Variants in KCNC2 observed in about 807,000 individuals in gnomAD.
KCNC2 encodes voltage-gated potassium channel KCNC2.
Under a neutral mutation model 44.5 loss-of-function variants are expected in KCNC2, and 21 were observed. That is an observed-to-expected ratio of 0.47 (90% CI 0.33 to 0.68). The LOEUF (loss-of-function observed/expected upper bound fraction) is 0.68. Ranked by LOEUF, KCNC2 falls within the 30% of genes least tolerant of loss-of-function variation. KCNC2 has a pLI of 0.01. For synonymous variants in KCNC2, 391 were observed against 339.1 expected (o/e 1.15, Z -1.68); for missense variants, 589 against 826.2 (o/e 0.71, Z 3.52).
chr12:75,197,468 C>T (rs1593078081), intron 2 of KCNC2, among the ~76,000 whole-genome samples: 1 of 152,030 alleles, frequency 6.6e-6, no homozygotes, highest in East Asian at 1.9e-4. Context: ...TTTGTTTCCT[C>T]CTTAACCTGT....
At chr12:75,158,458 A>T (rs1226285045) in intron 2 of KCNC2, among the ~76,000 whole-genome samples, 3 of 152,024 alleles carry the variant, frequency 2.0e-5, no homozygotes, top group South Asian at 4.1e-4. Context: ...TTAGTTAATA[A>T]CCAAAACAAA....
At chr12:75,192,332 A>T (rs2030365107) in intron 2 of KCNC2, among the ~76,000 whole-genome samples, 1 of 152,160 alleles carries the variant, frequency 6.6e-6, no homozygotes. Context: ...GCCATCTATT[A>T]TTGTTAGTTA....
chr12:75,075,956 A>G (rs1883922765), intron 2 of KCNC2, among the ~76,000 whole-genome samples: 2 of 152,072 alleles, frequency 1.3e-5, no homozygotes, highest in African/African-American at 4.8e-5. Flanking sequence ...AAAGTCTCCT[A>G]ATGATCAAAC....
At chr12:75,195,238 TG>T (rs2030661127) in intron 2 of KCNC2, among the ~76,000 whole-genome samples, 1 of 152,148 alleles carries the variant, frequency 6.6e-6, no homozygotes. Flanking sequence ...TAACTTGTTA[TG>T]GTGGTGGGTG....
chr12:75,187,973 C>T (rs1260074893), intron 2 of KCNC2, among the ~76,000 whole-genome samples: 2 of 152,090 alleles, frequency 1.3e-5, no homozygotes, highest in Non-Finnish European at 2.9e-5. Flanking sequence ...ATACTAGGAA[C>T]AGACTATCAA....
At chr12:75,208,814 GTTA>G (rs753552627) in intron 1 of KCNC2, among the ~76,000 whole-genome samples, 2 of 152,030 alleles carry the variant, frequency 1.3e-5, no homozygotes, top group Admixed American at 6.6e-5. Flanking sequence ...TCCTTTTCAC[GTTA>G]TTATTATTAT....
chr12:75,163,325 T>C (rs1891241121), intron 2 of KCNC2, among the ~76,000 whole-genome samples: 1 of 151,772 alleles, frequency 6.6e-6, no homozygotes, highest in South Asian at 2.1e-4. Context: ...TTAGGTTATC[T>C]CCAGGTAAAA....
intron 2 of KCNC2, among the ~76,000 whole-genome samples, chr12:75,080,827 A>G (rs975065104): frequency 1.3e-5 from 2 of 152,034 alleles, no homozygotes; most frequent in Non-Finnish European, 2.9e-5. Context: ...GGATATGCCT[A>G]TACTAGATTT....
chr12:75,202,758 T>C (rs1166163388), intron 2 of KCNC2, among the ~76,000 whole-genome samples: 1 of 150,854 alleles, frequency 6.6e-6, no homozygotes, highest in Non-Finnish European at 1.5e-5. Context: ...CTAAAAGGAA[T>C]ATTTTACTGC....
intron 2 of KCNC2, among the ~76,000 whole-genome samples, chr12:75,097,923 A>G (rs2137163495): frequency 6.6e-6 from 1 of 152,286 alleles, no homozygotes; most frequent in African/African-American, 2.4e-5. Context: ...TGTTAGGAAA[A>G]TAAGAACAGT....
chr12:75,183,385 A>C (rs1892731082), intron 2 of KCNC2, among the ~76,000 whole-genome samples: 1 of 152,226 alleles, frequency 6.6e-6, no homozygotes, highest in African/African-American at 2.4e-5. Context: ...CTATTATAGA[A>C]GATCACCACC....
chr12:75,189,595 G>A (rs976046990), intron 2 of KCNC2, among the ~76,000 whole-genome samples: 2 of 152,134 alleles, frequency 1.3e-5, no homozygotes, highest in Non-Finnish European at 2.9e-5. Flanking sequence ...TTAAACTTGT[G>A]CTAGGCATCA....
At chr12:75,067,487 G>A (rs796767760) in intron 2 of KCNC2, among the ~76,000 whole-genome samples, 9 of 152,258 alleles carry the variant, frequency 5.9e-5, no homozygotes, top group African/African-American at 1.9e-4. Context: ...AGTCCTATGA[G>A]AATGAAGAGA....
intron 2 of KCNC2, among the ~76,000 whole-genome samples, chr12:75,080,846 G>C (rs187546132): frequency 1.3e-5 from 2 of 151,992 alleles, no homozygotes; most frequent in Admixed American, 1.3e-4. Flanking sequence ...TTAATTGTTA[G>C]ATAGTCATTC....
At chr12:75,073,330 T>C (rs546140258) in intron 2 of KCNC2, among the ~76,000 whole-genome samples, 1 of 152,306 alleles carries the variant, frequency 6.6e-6, no homozygotes, top group South Asian at 2.1e-4. Flanking sequence ...CTTTTGATTG[T>C]TAAGTGGGAA....
intron 2 of KCNC2, among the ~76,000 whole-genome samples, chr12:75,092,866 G>A (rs1885602834): frequency 6.6e-6 from 1 of 151,428 alleles, no homozygotes; most frequent in Admixed American, 6.6e-5. Context: ...TGAAAATTAA[G>A]CCTAATATGT....
rs773066026 is a variant in KCNC2, at chr12:75,048,197, G to A, written c.1736C>T (p.Thr579Met). The part of the protein sequence containing the change: ...NRRGETCFLL[T>M]TGDYTCASDG... ...AGAAGCACACGTGTAATCACCTGTC[G>A]TCAGTAGGAAACATGTTTCCCCTCT... The change falls in exon 4 of 5, where the codon ACG becomes ATG. Residue 579 changes from threonine to methionine, a missense_variant. Physicochemically the swap from Thr to Met is moderately conservative, Grantham distance 81 (BLOSUM62 -1). This residue lies in a region of KCNC2 where 171 missense variants were observed against 182.4 expected (regional missense o/e 0.94). Coordinates refer to ENST00000549446, the MANE Select transcript of KCNC2 (RefSeq NM_139137.4). 8.1e-6 allele frequency: 13 copies of A among 1,612,962 alleles called. No homozygotes were observed. The South Asian group carries it at 8.8e-5, about 11-fold the overall frequency.
At chr12:75,065,715 T>C (rs1278995141) in intron 2 of KCNC2, among the ~76,000 whole-genome samples, 2 of 152,134 alleles carry the variant, frequency 1.3e-5, no homozygotes, top group Non-Finnish European at 2.9e-5. Context: ...CCTAGGTTTA[T>C]GTGAGTACAC....
intron 2 of KCNC2, among the ~76,000 whole-genome samples, chr12:75,162,686 GA>G (rs1891196745): frequency 6.6e-6 from 1 of 151,640 alleles, no homozygotes; most frequent in Non-Finnish European, 1.5e-5. Flanking sequence ...ATTAGATTTT[GA>G]AGAGAGAAAA....
Sources: allele counts gnomAD v4.1 joint callset (sites outside exome capture counted in the v4.1 genomes callset), GRCh38; gene constraint gnomAD v4.1.1; regional missense constraint gnomAD v4.1.1; transcripts MANE v1.5; gene names NCBI Gene and HGNC (gene_info 2026-07-23, HGNC 2026-07-21).